The following GRIK2 variants were observed in gnomAD, a reference collection of about 807,000 sequenced individuals.
GRIK2 encodes glutamate receptor ionotropic, kainate 2.
A neutral mutation model predicts 100.3 loss-of-function variants in GRIK2; 32 were observed. The ratio of observed to expected loss-of-function variants is 0.32; its 90% confidence interval spans 0.24 to 0.43. The LOEUF is 0.43. GRIK2 is among the 20% of genes least tolerant of loss of function. GRIK2 has a pLI of 1.00. For missense variants in GRIK2, 843 were observed against 1,114.9 expected (o/e 0.76, Z 3.47); for synonymous variants, 417 against 389.4 (o/e 1.07, Z -0.83).
intron 7 of GRIK2, among the ~76,000 whole-genome samples, chr6:101,794,359 C>T (rs990131140): frequency 1.3e-4 from 20 of 151,778 alleles, no homozygotes; most frequent in Non-Finnish European, 2.6e-4. Context: ...TTGGCTTCTC[C>T]CCGAGATGAA....
intron 14 of GRIK2, among the ~76,000 whole-genome samples, chr6:102,005,983 T>TAA (rs1027234850): frequency 7.9e-5 from 12 of 151,984 alleles, no homozygotes; most frequent in Non-Finnish European, 1.3e-4. Context: ...TTTCCTCTTA[T>TAA]AAAGATTCAA....
chr6:101,769,564 TCTC>T (rs1458633270), intron 7 of GRIK2, among the ~76,000 whole-genome samples: 2 of 152,174 alleles, frequency 1.3e-5, no homozygotes, highest in Non-Finnish European at 2.9e-5. Context: ...AGGAGTCTCT[TCTC>T]CTGGATTCTC....
chr6:101,542,614 T>G (rs142949170), intron 2 of GRIK2, among the ~76,000 whole-genome samples: 63 of 152,256 alleles, frequency 4.1e-4, no homozygotes, highest in African/African-American at 1.3e-3. Context: ...TATTATGCAT[T>G]AGTTCAAAAC....
At chr6:101,426,706 T>G (rs1216887356) in intron 2 of GRIK2, among the ~76,000 whole-genome samples, 1 of 152,208 alleles carries the variant, frequency 6.6e-6, no homozygotes, top group Non-Finnish European at 1.5e-5. Flanking sequence ...CTCTTTCTAA[T>G]CTATCCTATG....
At chr6:101,607,358 G>C (rs182933401) in intron 2 of GRIK2, among the ~76,000 whole-genome samples, 9 of 152,114 alleles carry the variant, frequency 5.9e-5, no homozygotes, top group Admixed American at 5.9e-4. Flanking sequence ...ACCTGGGAAT[G>C]AGGATCAGAA....
intron 7 of GRIK2, among the ~76,000 whole-genome samples, chr6:101,760,931 C>A (rs191576258): frequency 5.3e-5 from 8 of 151,572 alleles, no homozygotes; most frequent in African/African-American, 1.9e-4. Flanking sequence ...GTGTCTGTCT[C>A]ATATGAGATA....
intron 2 of GRIK2, among the ~76,000 whole-genome samples, chr6:101,521,278 CTT>C (rs71741660): frequency 0.099 from 15,026 of 151,854 alleles, 918 homozygotes; most frequent in Middle Eastern, 0.13. Context: ...CTTTAATAGA[CTT>C]TGTATTGTGT....
intron 10 of GRIK2, among the ~76,000 whole-genome samples, chr6:101,855,393 T>C (rs374612031): frequency 5.3e-5 from 8 of 151,798 alleles, no homozygotes; most frequent in African/African-American, 1.5e-4. Context: ...CAAAGCAGGG[T>C]AGAATAATGG....
At chr6:101,891,300 C>A (rs961388721) in intron 12 of GRIK2, among the ~76,000 whole-genome samples, 5 of 151,826 alleles carry the variant, frequency 3.3e-5, no homozygotes, top group Admixed American at 1.3e-4. Flanking sequence ...GGGCGGATCA[C>A]AAAGTCAGGA....
At chr6:102,042,376 CT>C (rs749430443) in intron 15 of GRIK2, among the ~76,000 whole-genome samples, 2 of 151,514 alleles carry the variant, frequency 1.3e-5, no homozygotes, top group Non-Finnish European at 3.0e-5. Flanking sequence ...CATAAATCAT[CT>C]TTCTTTTTTA....
chr6:101,773,383 G>A (rs1271947737), intron 7 of GRIK2, among the ~76,000 whole-genome samples: 1 of 151,450 alleles, frequency 6.6e-6, no homozygotes, highest in African/African-American at 2.4e-5. Context: ...GGGAGGCTCA[G>A]GCAGGAGAAT....
rs950250892 is a variant in GRIK2 at position 101,606,434 on chromosome 6, T to C, written c.116-15515T>C. Among the ~76,000 whole-genome samples the C allele has an allele frequency of 2.6e-4, 39 of 152,126 alleles. 1 individual carries two copies. The highest frequency in any genetic ancestry group is 9.4e-4 in the African/African-American group (39 of 41,544). On this transcript the variant is annotated intron_variant, in intron 2 of 16. Coordinates refer to ENST00000369134, the MANE Select transcript of GRIK2 (RefSeq NM_021956.5). ...TATTGGAATCATTGAGTATCTTTCA[T>C]GTGCTCAGCATTGTGCTGGGCGCTG...
At chr6:101,462,003 C>T (rs1346130848) in intron 2 of GRIK2, among the ~76,000 whole-genome samples, 1 of 152,116 alleles carries the variant, frequency 6.6e-6, no homozygotes, top group African/African-American at 2.4e-5. Flanking sequence ...AATCTCAGTT[C>T]TGATTTACCT....
intron 10 of GRIK2, among the ~76,000 whole-genome samples, chr6:101,834,737 T>C (rs1782952448): frequency 6.6e-6 from 1 of 152,216 alleles, no homozygotes; most frequent in Admixed American, 6.5e-5. Context: ...TTCATGGTTT[T>C]TTTAAATATC....
chr6:101,999,653 C>T (rs1318576725), intron 14 of GRIK2, among the ~76,000 whole-genome samples: 1 of 151,918 alleles, frequency 6.6e-6, no homozygotes, highest in African/African-American at 2.4e-5. Flanking sequence ...TTTCCTCTTC[C>T]CCACCAATCC....
At chr6:101,704,759 T>A (rs899250601) in intron 7 of GRIK2, among the ~76,000 whole-genome samples, 4 of 151,270 alleles carry the variant, frequency 2.6e-5, no homozygotes, top group Non-Finnish European at 5.9e-5. Flanking sequence ...TTTTTAAATA[T>A]GAGCCTCTAA....
At chr6:101,760,604 A>ATAATTATATATAATTATATGTT (rs1554259492) in intron 7 of GRIK2, among the ~76,000 whole-genome samples, 4 of 62,092 alleles carry the variant, frequency 6.4e-5, no homozygotes, top group Non-Finnish European at 9.3e-5. Flanking sequence ...ATAATTATAT[A>ATAATTATATATAATTATATGTT]TAATTATATT....
intron 11 of GRIK2, among the ~76,000 whole-genome samples, chr6:101,879,418 C>T (rs1385603245): frequency 6.6e-6 from 1 of 151,910 alleles, no homozygotes; most frequent in Non-Finnish European, 1.5e-5. Flanking sequence ...TACATATGCA[C>T]CATTTATTTT....
intron 2 of GRIK2, among the ~76,000 whole-genome samples, chr6:101,426,707 C>T (rs1358417626): frequency 1.3e-5 from 2 of 152,176 alleles, no homozygotes; most frequent in Non-Finnish European, 2.9e-5. Context: ...TCTTTCTAAT[C>T]TATCCTATGC....
Sources: gnomAD v4.1 joint callset for allele counts (sites outside exome capture counted in the v4.1 genomes callset) on GRCh38, gnomAD v4.1.1 for gene constraint, MANE v1.5 for transcripts, NCBI Gene and HGNC (gene_info 2026-07-23, HGNC 2026-07-21) for gene names.